The following LUC7L3 variants were observed in gnomAD, a reference collection of about 807,000 sequenced individuals.
The protein encoded by LUC7L3 is luc7-like protein 3.
LUC7L3 carries 6 observed loss-of-function variants against 66.8 expected under a neutral mutation model. The ratio of observed to expected loss-of-function variants is 0.09; its 90% CI spans 0.05 to 0.18. LUC7L3 has a LOEUF of 0.18. Ranked by LOEUF, LUC7L3 falls within the 10% of genes least tolerant of loss-of-function variation. The pLI, the probability that LUC7L3 is intolerant of heterozygous loss-of-function variation, is 1.00. For synonymous variants in LUC7L3, 160 were observed against 174.7 expected (o/e 0.92, Z 0.66); for missense variants, 341 against 531.1 (o/e 0.64, Z 3.52).
chr17:50,740,016 AAC>A (rs1238267642), intron 2 of LUC7L3, among the ~76,000 whole-genome samples: 1 of 152,120 alleles, frequency 6.6e-6, no homozygotes, highest in African/African-American at 2.4e-5. Context: ...GGCAATAAGG[AAC>A]AGTTTCCTTT....
intron 1 of LUC7L3, among the ~76,000 whole-genome samples, chr17:50,721,499 C>A (rs1397529310): frequency 6.6e-6 from 1 of 152,160 alleles, no homozygotes; most frequent in East Asian, 1.9e-4. Flanking sequence ...TTTTAACTTT[C>A]AGTGTTTATT....
chr17:50,728,285 C>T lies in LUC7L3; in HGVS notation c.99+8454C>T, dbSNP rs557142246. ...TTTGTGTAGGCAATAAATAGTGAAT[C>T]ATACCTGCAAAGGTATACGTAATAA... On this transcript the variant is annotated intron_variant, in intron 1 of 9. Transcript: ENST00000505658. 2.6e-5 allele frequency among the ~76,000 whole-genome samples: 4 copies of T among 152,086 alleles called. No homozygotes were observed. The East Asian group carries it at 5.8e-4, about 22-fold the overall frequency.
At chr17:50,723,454 A>C (rs942673943) in intron 1 of LUC7L3, 3 of 152,530 alleles carry the variant, frequency 2.0e-5, no homozygotes, top group African/African-American at 7.2e-5. Context: ...TTTTACTTGT[A>C]TACTTTTTCT....
rs1305079487 is a variant in LUC7L3 at position 50,741,496 on chromosome 17, C to CG, written c.352-161_352-160insG. 8.5e-5 allele frequency among the ~76,000 whole-genome samples: 13 copies of CG among 152,192 alleles called. No homozygotes were observed. In the East Asian group the frequency reaches 2.1e-3, roughly 25 times the overall value. On this transcript the variant is annotated intron_variant, in intron 4 of 9. Coordinates refer to ENST00000505658, the MANE Select transcript of LUC7L3 (RefSeq NM_016424.5). The stretch of plus-strand genomic sequence containing the variant: ...TTTTCCCTTAAATAGTAGTAACTGA[C>CG]AATATGTGATTGACCAACAGAAGTT...
intron 1 of LUC7L3, among the ~76,000 whole-genome samples, chr17:50,736,431 A>T (rs1158543488): frequency 2.6e-5 from 4 of 152,202 alleles, no homozygotes; most frequent in African/African-American, 9.7e-5. Flanking sequence ...CATCTTTCCA[A>T]AATATTTTAA....
chr17:50,746,618 A>T lies in LUC7L3; in HGVS notation c.1054A>T (p.Arg352Ter). Residue 352 changes from arginine to a stop codon, truncating the protein, a stop_gained, in exon 9 of 10, where the codon AGA (arginine) becomes TGA (stop). Coordinates refer to ENST00000505658, the MANE Select transcript of LUC7L3 (RefSeq NM_016424.5). LOFTEE classifies it high-confidence loss of function. ...KHRSRSRDRRRSKSRDRKSYK... is the reference protein window; with the variant it reads ...KHRSRSRDRR ...CAGATCTCGAAGTCGGGATCGAAGA[A>T]GATCAAAAAGCCGGGATCGAAAGTC... 1 of 1,614,196 alleles carries T rather than the reference A, an allele frequency of 6.2e-7. No homozygotes were observed. The highest frequency in any genetic ancestry group is 8.5e-7 in the Non-Finnish European group (1 of 1,180,004).
intron 5 of LUC7L3, among the ~76,000 whole-genome samples, chr17:50,742,541 T>C (rs1257348545): frequency 1.3e-5 from 2 of 152,134 alleles, no homozygotes; most frequent in African/African-American, 4.8e-5. Flanking sequence ...GTATTTTTAA[T>C]AGAGATGGGG....
chr17:50,742,110 G>A (rs1335319949), intron 5 of LUC7L3, among the ~76,000 whole-genome samples: 2 of 151,992 alleles, frequency 1.3e-5, no homozygotes, highest in East Asian at 3.9e-4. Context: ...ACATATATAT[G>A]TATCTGAAAG....
intron 2 of LUC7L3, chr17:50,738,017 G>A: frequency 2.6e-6 from 1 of 377,398 alleles, no homozygotes; most frequent in South Asian, 2.0e-5. Context: ...TTCAGACACA[G>A]CAGGGGCAGT....
chr17:50,740,288 T>TTA lies in LUC7L3; in HGVS notation c.167-14_167-13dup, dbSNP rs777378996. ...TAATAATCACAGATAATTTATACAATTATATTTTTTCCCCCAGGTCCGTGT... is the reference window on the plus strand; with the variant it reads ...TAATAATCACAGATAATTTATACAATTATATATTTTTTCCCCCAGGTCCGTGT... On this transcript the variant is annotated splice_polypyrimidine_tract_variant and intron_variant, in intron 2 of 9. Transcript: ENST00000505658. 1.2e-5 allele frequency: 19 copies of TTA among 1,574,390 alleles called. No individual in the cohort carries two copies. The highest frequency in any genetic ancestry group is 1.5e-5 in the Non-Finnish European group (17 of 1,154,286).
rs578251391 is a variant in LUC7L3, at chr17:50,736,797, T to C, written c.100-163T>C. The C allele has an allele frequency of 3.3e-4, 190 of 567,866 alleles. 2 individuals are homozygous for C. In the African/African-American group the frequency reaches 3.5e-3, roughly 11 times the overall value. The allele number at this position is 567,866 out of a possible 1,614,324, so 35.2% of individuals were successfully genotyped here. ...TTATTCTTTTATCGAAATTCAGGAGTCTGAAAATCACTAATTTACCTAATA... is the reference window on the plus strand; with the variant it reads ...TTATTCTTTTATCGAAATTCAGGAGCCTGAAAATCACTAATTTACCTAATA... On this transcript the variant is annotated intron_variant, in intron 1 of 9. Transcript: ENST00000505658.
In LUC7L3 at chr17:50,728,538, C is replaced by T. The variant is rs184531459; in HGVS notation, c.100-8422C>T. Among the ~76,000 whole-genome samples the T allele has an allele frequency of 4.9e-3, 751 of 152,094 alleles. 2 individuals are homozygous for T. Among genetic ancestry groups the T allele is most frequent in the Middle Eastern group, 0.014 (4 of 294 alleles). ...AGGCAGAAGTGACAAAAGACTACAG[C>T]GTGTAGGGTTGGTTTTTGTTTTTGT... On this transcript the variant is annotated intron_variant, in intron 1 of 9. Transcript: ENST00000505658.
rs1802391 is a variant in LUC7L3 at position 50,752,310 on chromosome 17, C to T, written c.*1649C>T. 2.1e-6 allele frequency: 2 copies of T among 953,382 alleles called. No individual in the cohort carries two copies. The highest frequency in any genetic ancestry group is 2.8e-6 in the Non-Finnish European group (2 of 717,782). 59.1% of individuals were successfully genotyped at this position (953,382 alleles called of 1,614,324 possible). A position where few individuals can be genotyped will look rare whatever the true frequency, so the allele number is the denominator to read the frequency against. On this transcript the variant is annotated 3_prime_UTR_variant, in exon 10 of 10. Coordinates refer to ENST00000505658, the MANE Select transcript of LUC7L3 (RefSeq NM_016424.5). ...ATAGTGGCATAGAAAAAGTATAAAGCTCAGTTAGTTTTTTTATTATTATTA... is the reference window on the plus strand; with the variant it reads ...ATAGTGGCATAGAAAAAGTATAAAGTTCAGTTAGTTTTTTTATTATTATTA...
intron 4 of LUC7L3, 127 bp from the exon 5 acceptor site, chr17:50,741,530 T>C: frequency 3.2e-6 from 2 of 630,582 alleles, no homozygotes. Flanking sequence ...TTGAAGATAA[T>C]TGAATTACTA....
Position 50,750,597 on chromosome 17 carries a change from C to T in LUC7L3, c.1235C>T (p.Thr412Ile), listed in dbSNP as rs768273933. Residue 412 changes from threonine (T) to isoleucine (I), a missense_variant, in exon 10 of 10, where the codon ACT (threonine) becomes ATT (isoleucine). Thr to Ile is a moderately conservative substitution (Grantham distance 89). This residue lies in a region of LUC7L3 where 210 missense variants were observed against 238.1 expected (regional missense o/e 0.88). Transcript: ENST00000505658. ...DTNTESKESD[T>I]KNEVNGTSED... ...AACACTGAATCGAAGGAAAGTGATA[C>T]TAAGAATGAGGTCAATGGGACCAGT... is the stretch of plus-strand genomic sequence containing the variant. The T allele has an allele frequency of 1.9e-6, 3 of 1,614,012 alleles. No individual in the cohort carries two copies. In the South Asian group the frequency reaches 3.3e-5, roughly 18 times the overall value.
In LUC7L3 at chr17:50,751,158, T is replaced by C. The variant is rs1032095294; in HGVS notation, c.*497T>C. 3 of 1,481,510 alleles carry C rather than the reference T, an allele frequency of 2.0e-6. No homozygotes were observed. Among genetic ancestry groups the C allele is most frequent in the Non-Finnish European group, 2.7e-6 (3 of 1,120,432 alleles). 91.8% of individuals were successfully genotyped at this position (1,481,510 alleles called of 1,614,324 possible). A position where few individuals can be genotyped will look rare whatever the true frequency, so the allele number is the denominator to read the frequency against. ...TAATTAAACTGCTAGTATTTCTTTG[T>C]CAAGGATGTTTCTAGTTTTTTGCTT... On this transcript the variant is annotated 3_prime_UTR_variant, in exon 10 of 10. Transcript: ENST00000505658.
intron 2 of LUC7L3, 53 bp from the exon 3 acceptor site, chr17:50,740,253 A>T: frequency 4.6e-6 from 6 of 1,315,916 alleles, no homozygotes; most frequent in Non-Finnish European, 6.4e-6. Context: ...TTTTGGCAAG[A>T]AAAGGTTGCT....
At chr17:50,729,894 C>T (rs1254178725) in intron 1 of LUC7L3, among the ~76,000 whole-genome samples, 12 of 103,286 alleles carry the variant, frequency 1.2e-4, no homozygotes, top group Non-Finnish European at 3.7e-5. Flanking sequence ...AATATAAATA[C>T]ATTATATATA....
chr17:50,736,953 TTAC>T lies in LUC7L3; in HGVS notation c.100-4_100-2del. On this transcript the variant is annotated splice_polypyrimidine_tract_variant and splice_region_variant and intron_variant, in intron 1 of 9. Coordinates refer to ENST00000505658, the MANE Select transcript of LUC7L3 (RefSeq NM_016424.5). ...ATTTTTTAAGTACCTTTGTTTTTCTTTACTAGGTTTGTAAATATTATCTCTGTG... is the reference window on the plus strand; with the variant it reads ...ATTTTTTAAGTACCTTTGTTTTTCTTTAGGTTTGTAAATATTATCTCTGTG... 6.3e-7 allele frequency: 1 copy of T among 1,598,412 alleles called. No individual in the cohort carries two copies. The highest frequency in any genetic ancestry group is 1.1e-5 in the South Asian group (1 of 89,280).
Sources: allele counts gnomAD v4.1 joint callset (sites outside exome capture counted in the v4.1 genomes callset), GRCh38; gene constraint gnomAD v4.1.1; regional missense constraint gnomAD v4.1.1; transcripts MANE v1.5; gene names NCBI Gene and HGNC (gene_info 2026-07-23, HGNC 2026-07-21).